Variants in TBC1D5 observed in about 807,000 individuals in gnomAD.
TBC1D5 encodes TBC1 domain family member 5.
A neutral mutation model predicts 100.3 loss-of-function variants in TBC1D5; 75 were observed. That is an observed-to-expected ratio of 0.75 (90% CI 0.62 to 0.91). The LOEUF is 0.91. Among genes scored for constraint, TBC1D5 ranks in the 40% least tolerant of loss-of-function variants. The pLI, the probability that TBC1D5 is intolerant of heterozygous loss-of-function variation, is 0.00. For missense variants in TBC1D5, 910 were observed against 942.4 expected, an observed-to-expected ratio of 0.97 and a Z score of 0.45; for synonymous variants, 323 against 325.6, an observed-to-expected ratio of 0.99 and a Z score of 0.09.
intron 3 of TBC1D5, among the ~76,000 whole-genome samples, chr3:17,445,791 T>C (rs2094777225): frequency 6.6e-6 from 1 of 152,170 alleles, no homozygotes; most frequent in Non-Finnish European, 1.5e-5. Flanking sequence ...ATATATAGGG[T>C]TCAGTACTAT....
chr3:17,469,827 C>T (rs1033031246), intron 3 of TBC1D5, among the ~76,000 whole-genome samples: 4 of 152,306 alleles, frequency 2.6e-5, no homozygotes, highest in Admixed American at 6.5e-5. Context: ...CAATGAATTA[C>T]GATGACCCGA....
chr3:17,469,204 A>T (rs1451977374), intron 3 of TBC1D5, among the ~76,000 whole-genome samples: 1 of 152,250 alleles, frequency 6.6e-6, no homozygotes, highest in Non-Finnish European at 1.5e-5. Context: ...TAGACTATCA[A>T]ATCAATAGTA....
intron 8 of TBC1D5, among the ~76,000 whole-genome samples, chr3:17,385,650 T>C (rs6799259): frequency 0.4 from 60,970 of 151,876 alleles, 12,898 homozygotes; most frequent in Middle Eastern, 0.47. Context: ...GACTTTTGCT[T>C]ACAACTCTCT....
chr3:17,242,057 G>A (rs1455548668), intron 16 of TBC1D5, among the ~76,000 whole-genome samples: 1 of 152,134 alleles, frequency 6.6e-6, no homozygotes, highest in Non-Finnish European at 1.5e-5. Context: ...AATGAAAATA[G>A]GTGATTTTAG....
chr3:17,219,119 C>G (rs2126070717), intron 17 of TBC1D5, among the ~76,000 whole-genome samples: 1 of 149,732 alleles, frequency 6.7e-6, no homozygotes, highest in Non-Finnish European at 1.5e-5. Flanking sequence ...CTTTCTGTTG[C>G]TCTAACTGGA....
chr3:17,729,967 C>T (rs992164122), intron 1 of TBC1D5, among the ~76,000 whole-genome samples: 3 of 150,810 alleles, frequency 2.0e-5, no homozygotes, highest in African/African-American at 4.9e-5. Flanking sequence ...AAAAATTAGT[C>T]GGGCGTGGTG....
chr3:17,690,085 T>G (rs189761590), intron 1 of TBC1D5, among the ~76,000 whole-genome samples: 223 of 151,374 alleles, frequency 1.5e-3, no homozygotes, highest in African/African-American at 5.3e-3. Context: ...GAAACAAGAC[T>G]AGAAAACATA....
chr3:17,601,128 T>C (rs2060909239), intron 2 of TBC1D5, among the ~76,000 whole-genome samples: 1 of 152,252 alleles, frequency 6.6e-6, no homozygotes, highest in African/African-American at 2.4e-5. Flanking sequence ...ATTCTAAAAC[T>C]GTTGCTGCTT....
intron 18 of TBC1D5, among the ~76,000 whole-genome samples, 174 bp from the exon 20 acceptor site, chr3:17,185,382 A>G (rs924555216): frequency 6.6e-6 from 1 of 152,254 alleles, no homozygotes; most frequent in African/African-American, 2.4e-5. Context: ...CAAAATAAAA[A>G]AAGGGTAAAA....
chr3:17,446,798 C>T (rs1490581214), intron 3 of TBC1D5, among the ~76,000 whole-genome samples: 2 of 152,054 alleles, frequency 1.3e-5, no homozygotes, highest in Non-Finnish European at 2.9e-5. Flanking sequence ...GGTGAAACCC[C>T]GTCTCTAGTG....
At chr3:17,406,614 A>C (rs2093777108) in intron 4 of TBC1D5, 88 bp from the exon 5 acceptor site, 1 of 1,258,082 alleles carries the variant, frequency 7.9e-7, no homozygotes, top group South Asian at 1.4e-5. Flanking sequence ...ATTTTAAGTA[A>C]GTCTAAAAAA....
At chr3:17,583,662 G>A (rs930090243) in intron 2 of TBC1D5, among the ~76,000 whole-genome samples, 1 of 152,234 alleles carries the variant, frequency 6.6e-6, no homozygotes, top group Non-Finnish European at 1.5e-5. Flanking sequence ...GGGAGACGGA[G>A]GCTGCAGTGA....
chr3:17,692,710 T>C (rs754448006), intron 1 of TBC1D5, among the ~76,000 whole-genome samples: 8 of 152,268 alleles, frequency 5.3e-5, no homozygotes, highest in Non-Finnish European at 1.0e-4. Flanking sequence ...CTAAATGCTT[T>C]CTCTGAATTT....
At chr3:17,472,513 T>C (rs1428329002) in intron 3 of TBC1D5, among the ~76,000 whole-genome samples, 1 of 152,160 alleles carries the variant, frequency 6.6e-6, no homozygotes, top group African/African-American at 2.4e-5. Flanking sequence ...ACTAAAATGG[T>C]AACACCCTCC....
intron 13 of TBC1D5, among the ~76,000 whole-genome samples, chr3:17,348,954 C>G (rs1411279478): frequency 1.3e-5 from 2 of 152,084 alleles, no homozygotes; most frequent in East Asian, 3.8e-4. Context: ...TGGAATTTAA[C>G]TACAAATTCT....
intron 14 of TBC1D5, among the ~76,000 whole-genome samples, chr3:17,302,869 G>C (rs886747715): frequency 2.4e-4 from 37 of 152,156 alleles, no homozygotes; most frequent in Non-Finnish European, 4.3e-4. Context: ...GAATGAATGA[G>C]ATTTAAACTA....
At chr3:17,337,132 T>TA (rs2088011539) in intron 13 of TBC1D5, among the ~76,000 whole-genome samples, 1 of 150,580 alleles carries the variant, frequency 6.6e-6, no homozygotes, top group Non-Finnish European at 1.5e-5. Flanking sequence ...GGTTTTTTTT[T>TA]TTTTTTTTTT....
intron 2 of TBC1D5, among the ~76,000 whole-genome samples, chr3:17,520,784 T>A (rs1171996611): frequency 1.3e-5 from 2 of 152,144 alleles, no homozygotes; most frequent in Admixed American, 1.3e-4. Flanking sequence ...TAAAAAGTAT[T>A]CATTATTTAT....
intron 4 of TBC1D5, among the ~76,000 whole-genome samples, chr3:17,414,230 G>T (rs1267766090): frequency 6.6e-6 from 1 of 152,172 alleles, no homozygotes; most frequent in Non-Finnish European, 1.5e-5. Flanking sequence ...TAGATGGGTA[G>T]AATATCTGAA....
Sources: gnomAD v4.1 joint callset for allele counts (sites outside exome capture counted in the v4.1 genomes callset) on GRCh38, gnomAD v4.1.1 for gene constraint, MANE v1.5 for transcripts, NCBI Gene and HGNC (gene_info 2026-07-23, HGNC 2026-07-21) for gene names.